The following STK3 variants were observed in gnomAD, a reference collection of about 807,000 sequenced individuals.
STK3 encodes the protein serine/threonine kinase 3.
A neutral mutation model predicts 58.0 loss-of-function variants in STK3; 41 were observed. The ratio of observed to expected loss-of-function variants is 0.71; its 90% confidence interval spans 0.55 to 0.92. The LOEUF (loss-of-function observed/expected upper bound fraction) is 0.92, where lower values mean the gene tolerates loss of function less well. STK3 is among the 40% of genes least tolerant of loss of function. The pLI is 0.00. For synonymous variants in STK3, 170 were observed against 191.0 expected (o/e 0.89, Z 0.91); for missense variants, 479 against 602.7 (o/e 0.79, Z 2.15).
chr8:98,616,769 A>T (rs1445647718), intron 6 of STK3, among the ~76,000 whole-genome samples: 1 of 151,548 alleles, frequency 6.6e-6, no homozygotes, highest in Non-Finnish European at 1.5e-5. Context: ...TAACTATACT[A>T]AATATATATG....
rs566224504 is a variant in STK3, at chr8:98,820,977, CAA to C, written c.26+4536_26+4537del. Reference sequence around the variant, plus strand: ...TGGGCAACAGAGCAAGATTCCACCTCAAAAAAAATAATAAAATAATAAAATAA... The same window carrying C: ...TGGGCAACAGAGCAAGATTCCACCTCAAAAAATAATAAAATAATAAAATAA... On this transcript the variant is annotated intron_variant, in intron 1 of 10. Transcript: ENST00000419617. Among the ~76,000 whole-genome samples, 1,315 of 151,524 alleles carry C rather than the reference CAA, an allele frequency of 8.7e-3. 11 individuals are homozygous for C. Among genetic ancestry groups the C allele is most frequent in the African/African-American group, 0.03 (1,238 of 41,368 alleles).
chr8:98,417,814 T>C (rs557984851), intron 3 of STK3, among the ~76,000 whole-genome samples: 1 of 152,324 alleles, frequency 6.6e-6, no homozygotes, highest in Non-Finnish European at 1.5e-5. Flanking sequence ...TGCCTATCTC[T>C]GGGAACTTCC....
At chr8:98,399,492 T>G (rs548068108), downstream of STK3, among the ~76,000 whole-genome samples, 1 of 152,204 alleles carries the variant, frequency 6.6e-6, no homozygotes, top group Non-Finnish European at 1.5e-5. Flanking sequence ...AGGGGAGATA[T>G]TGACAGTGGG....
At chr8:98,828,617 G>A (rs1564043888), upstream of STK3, among the ~76,000 whole-genome samples, 1 of 151,004 alleles carries the variant, frequency 6.6e-6, no homozygotes, top group East Asian at 1.9e-4. Flanking sequence ...AGAGAGAGAG[G>A]GAGGGAGGGA....
At chr8:98,617,852 A>G (rs1330157153) in intron 6 of STK3, among the ~76,000 whole-genome samples, 6 of 152,334 alleles carry the variant, frequency 3.9e-5, no homozygotes, top group African/African-American at 1.4e-4. Flanking sequence ...GTCCAGGACC[A>G]GATGGATTCA....
At chr8:98,626,610 T>A (rs1818739709) in intron 6 of STK3, among the ~76,000 whole-genome samples, 1 of 152,194 alleles carries the variant, frequency 6.6e-6, no homozygotes, top group Non-Finnish European at 1.5e-5. Context: ...GCCATCGGAT[T>A]TGATAATAAG....
chr8:98,562,737 GAA>G (rs778049177), intron 8 of STK3, among the ~76,000 whole-genome samples: 15 of 17,384 alleles, frequency 8.6e-4, no homozygotes, highest in African/African-American at 3.8e-3. Context: ...CACAAAAAAT[GAA>G]AAAAAAAAAA....
At chr8:98,938,008 G>A (rs1840256994) in intron 1 of STK3, among the ~76,000 whole-genome samples, 1 of 152,100 alleles carries the variant, frequency 6.6e-6, no homozygotes, top group South Asian at 2.1e-4. Flanking sequence ...CATAAGAAAA[G>A]GTCATTTGAA....
In STK3 at chr8:98,609,967, A is replaced by AG. The variant is rs926318020; in HGVS notation, c.685-13799_685-13798insC. ...GGGTGACACAGTGAGACTCCGTCTC[A>AG]AAAAAAAAAAAAAAGAAATAATTGA... On this transcript the variant is annotated intron_variant, in intron 6 of 10. Coordinates refer to ENST00000419617, the MANE Select transcript of STK3 (RefSeq NM_006281.4). Among the ~76,000 whole-genome samples the AG allele has an allele frequency of 4.2e-5, 6 of 141,666 alleles. No individual in the cohort carries two copies. The Admixed American group carries it at 4.3e-4, about 10-fold the overall frequency. The allele number at this position is 141,666 out of a possible 152,430, so 92.9% of individuals were successfully genotyped here. A position where few individuals can be genotyped will look rare whatever the true frequency, so the allele number is the denominator to read the frequency against.
At chr8:98,619,194 G>A (rs1818036336) in intron 6 of STK3, among the ~76,000 whole-genome samples, 1 of 150,396 alleles carries the variant, frequency 6.6e-6, no homozygotes, top group African/African-American at 2.5e-5. Context: ...TGACAAACCT[G>A]AGAAAAACAA....
At chr8:98,812,481 A>G (rs1269900654) in intron 1 of STK3, among the ~76,000 whole-genome samples, 2 of 152,220 alleles carry the variant, frequency 1.3e-5, no homozygotes, top group Non-Finnish European at 2.9e-5. Context: ...ACTGTGTGGC[A>G]ATTCCTCAAG....
intron 2 of STK3, among the ~76,000 whole-genome samples, chr8:98,434,519 A>G (rs747963116): frequency 1.3e-5 from 2 of 152,242 alleles, no homozygotes; most frequent in East Asian, 3.8e-4. Context: ...ACATCCGGTC[A>G]ATGGTGCAGG....
At chr8:98,778,868 C>T (rs752841197) in intron 1 of STK3, 3 of 151,816 alleles carry the variant, frequency 2.0e-5, no homozygotes, top group Admixed American at 6.6e-5. Flanking sequence ...CATCGCACAC[C>T]GGGGACGGTT....
At chr8:98,555,255 C>T (rs946643770) in intron 8 of STK3, among the ~76,000 whole-genome samples, 13 of 152,066 alleles carry the variant, frequency 8.5e-5, no homozygotes, top group Non-Finnish European at 1.5e-4. Flanking sequence ...ATATCTACTA[C>T]CTTAAAGCAT....
chr8:98,397,872 C>T (rs1817909114), downstream of STK3, among the ~76,000 whole-genome samples: 2 of 152,302 alleles, frequency 1.3e-5, no homozygotes, highest in South Asian at 2.1e-4. Flanking sequence ...GACGTGCCAC[C>T]TTCCCCTCCA....
At chr8:98,859,620 C>G (rs952067734) in intron 3 of STK3, among the ~76,000 whole-genome samples, 3 of 152,184 alleles carry the variant, frequency 2.0e-5, no homozygotes, top group African/African-American at 7.2e-5. Flanking sequence ...AACAACATAG[C>G]TCTTATGACT....
intron 10 of STK3, among the ~76,000 whole-genome samples, chr8:98,481,393 T>A (rs1821841878): frequency 6.6e-6 from 1 of 152,124 alleles, no homozygotes; most frequent in South Asian, 2.1e-4. Flanking sequence ...ATGTGTTATA[T>A]CTATATCATG....
chr8:98,582,390 G>T (rs974868418), intron 7 of STK3, among the ~76,000 whole-genome samples: 1 of 151,592 alleles, frequency 6.6e-6, no homozygotes, highest in African/African-American at 2.4e-5. Flanking sequence ...TAAGTTATAT[G>T]TATTCAAATC....
intron 5 of STK3, 117 bp from the exon 6 acceptor site, chr8:98,706,751 T>C (rs1399370860): frequency 2.5e-6 from 3 of 1,197,990 alleles, no homozygotes; most frequent in Non-Finnish European, 3.4e-6. Context: ...TATCAGAAAT[T>C]GACTATTTTG....
Sources: allele counts gnomAD v4.1 joint callset (sites outside exome capture counted in the v4.1 genomes callset), GRCh38; gene constraint gnomAD v4.1.1; transcripts MANE v1.5; gene names NCBI Gene and HGNC (gene_info 2026-07-23, HGNC 2026-07-21).